FAM53A: variants seen among roughly 807,000 people sequenced by gnomAD.
The protein encoded by FAM53A is protein FAM53A.
FAM53A carries 28 observed loss-of-function variants against 26.6 expected under a neutral mutation model. The observed-to-expected ratio is 1.05, with a 90% CI of 0.78 to 1.45. The LOEUF (loss-of-function observed/expected upper bound fraction) is 1.45. Among genes scored for constraint, FAM53A ranks in the 40% most tolerant of loss-of-function variants. The pLI is 0.00. For synonymous variants in FAM53A, 290 were observed against 253.1 expected (o/e 1.15, Z -1.38); for missense variants, 650 against 575.8 (o/e 1.13, Z -1.32).
At chr4:1,649,872 G>A (rs146329660) in intron 4 of FAM53A, among the ~76,000 whole-genome samples, 10,240 of 149,454 alleles carry the variant, frequency 0.069, 1,148 homozygotes, top group African/African-American at 0.22. Context: ...TGGCACAGGC[G>A]TGGTGTTTGT....
intron 1 of FAM53A, among the ~76,000 whole-genome samples, chr4:1,683,202 G>A (rs1715578597): frequency 6.6e-6 from 1 of 152,188 alleles, no homozygotes; most frequent in Non-Finnish European, 1.5e-5. Context: ...AACAATGTCA[G>A]TTTCCATTTT....
chr4:1,655,706 C>A lies in FAM53A; in HGVS notation c.154G>T (p.Val52Phe), dbSNP rs1261211653. Reference sequence around the variant, plus strand: ...CTGACGGGCGGTCCTCCACTGAAGACCTTCCAGGGACTCTGGTCTACAAAA... The same window carrying A: ...CTGACGGGCGGTCCTCCACTGAAGAACTTCCAGGGACTCTGGTCTACAAAA... ...LELNDQSPWK[V>F]FSGGPPVRSQ... The change falls in exon 4 of 5, where the codon GTC becomes TTC. Residue 52 changes from valine (V) to phenylalanine (F), a missense_variant. Physicochemically the swap from Val to Phe is conservative, Grantham distance 50. Coordinates refer to ENST00000308132, the MANE Select transcript of FAM53A (RefSeq NM_001174070.3). The A allele has an allele frequency of 1.3e-6, 2 of 1,582,112 alleles. No homozygotes were observed. The highest frequency in any genetic ancestry group is 1.7e-6 in the Non-Finnish European group (2 of 1,170,096).
At chr4:1,610,858 A>G in the FAM53A span, among the ~76,000 whole-genome samples, 1 of 151,872 alleles carries the variant, frequency 6.6e-6, no homozygotes, top group African/African-American at 2.4e-5. Flanking sequence ...CCTGCCCCCA[A>G]CCCGGGCCCC....
At chr4:1,606,217 T>G in the FAM53A span, among the ~76,000 whole-genome samples, 5 of 151,876 alleles carry the variant, frequency 3.3e-5, no homozygotes, top group South Asian at 6.4e-4. Context: ...TTTTTTTTTT[T>G]TGTATTTTTA....
At chr4:1,663,894 T>C (rs996040907) in intron 2 of FAM53A, among the ~76,000 whole-genome samples, 1 of 149,770 alleles carries the variant, frequency 6.7e-6, no homozygotes, top group Admixed American at 6.6e-5. Flanking sequence ...AAAATCTATG[T>C]GCAACTAGAG....
At chr4:1,586,122 A>C in the FAM53A span, among the ~76,000 whole-genome samples, 2 of 152,146 alleles carry the variant, frequency 1.3e-5, no homozygotes, top group Non-Finnish European at 2.9e-5. Context: ...ACTTAGATTG[A>C]TTCCATGTCT....
chr4:1,622,290 G>A (rs1715074472), intron 1 of FAM53A, among the ~76,000 whole-genome samples: 2 of 152,234 alleles, frequency 1.3e-5, no homozygotes, highest in South Asian at 4.1e-4. Flanking sequence ...CCCAGTGTGG[G>A]GGTGACGACA....
At chr4:1,607,121 C>T in the FAM53A span, among the ~76,000 whole-genome samples, 24 of 152,172 alleles carry the variant, frequency 1.6e-4, no homozygotes, top group Non-Finnish European at 2.8e-4. Context: ...CGTGTTCAGG[C>T]GATTCTCCTG....
chr4:1,638,153 C>A (rs529211552), downstream of FAM53A, among the ~76,000 whole-genome samples: 3 of 152,074 alleles, frequency 2.0e-5, no homozygotes, highest in East Asian at 5.8e-4. Flanking sequence ...AGGCAGGTGA[C>A]CCTGCAGGGC....
chr4:1,644,482 G>A, intron 4 of FAM53A: 1 of 1,088,490 alleles, frequency 9.2e-7, no homozygotes, highest in Non-Finnish European at 1.3e-6. Context: ...AACTGAAGGG[G>A]CCACCCACGC....
chr4:1,638,537 G>A (rs890492271), downstream of FAM53A, among the ~76,000 whole-genome samples: 4 of 152,092 alleles, frequency 2.6e-5, no homozygotes, highest in African/African-American at 7.2e-5. Context: ...GTTCTGCCCA[G>A]GAGAGCCAGA....
intron 4 of FAM53A, among the ~76,000 whole-genome samples, chr4:1,646,260 C>T (rs949098312): frequency 2.6e-5 from 4 of 152,090 alleles, no homozygotes; most frequent in South Asian, 2.1e-4. Flanking sequence ...GCCACCATGC[C>T]GGCTAATTTT....
chr4:1,661,024 G>T (rs990877098), intron 2 of FAM53A, among the ~76,000 whole-genome samples: 2 of 152,034 alleles, frequency 1.3e-5, no homozygotes, highest in African/African-American at 4.8e-5. Context: ...GGCACAGTGA[G>T]CTTCCCTGCG....
At chr4:1,656,527 G>A (rs1577127476) in intron 3 of FAM53A, among the ~76,000 whole-genome samples, 2 of 152,222 alleles carry the variant, frequency 1.3e-5, no homozygotes, top group South Asian at 2.1e-4. Flanking sequence ...ACGTGGAGGT[G>A]TAGGCAGGGA....
intron 1 of FAM53A, among the ~76,000 whole-genome samples, chr4:1,632,982 G>A (rs1053301627): frequency 1.2e-4 from 19 of 152,190 alleles, no homozygotes; most frequent in African/African-American, 1.7e-4. Flanking sequence ...CAGGGCGCAC[G>A]CAGGCATAGG....
At chr4:1,650,373 CAGGTGTGGTGTTTGTGAGGTGGCAT>C (rs1484880219) in intron 4 of FAM53A, among the ~76,000 whole-genome samples, 18 of 96,658 alleles carry the variant, frequency 1.9e-4, no homozygotes, top group African/African-American at 9.1e-4. Context: ...TGAGGTGGCA[CAGGTGTGGTGTTTGTGAGGTGGCAT>C]AGGCGTGGTG....
intron 2 of FAM53A, among the ~76,000 whole-genome samples, chr4:1,668,148 C>CT (rs71167745): frequency 0.96 from 141,937 of 148,144 alleles, 68,207 homozygotes; most frequent in East Asian, 1. Context: ...AGTCAAGGCT[C>CT]TTTTTTTTTT....
rs114307624 is a variant in FAM53A, at chr4:1,672,341, G to A, written c.-164-3436C>T. On this transcript the variant is annotated intron_variant, in intron 1 of 4. Coordinates refer to ENST00000308132, the MANE Select transcript of FAM53A (RefSeq NM_001174070.3). ...GGACCCACAAACCCAGGAACCCATA[G>A]ACCCATGGACCCAGGAACCCAGGAA... is the stretch of plus-strand genomic sequence containing the variant. Among the ~76,000 whole-genome samples, 7 of 83,476 alleles carry A rather than the reference G, an allele frequency of 8.4e-5. 1 individual carries two copies. Among genetic ancestry groups the A allele is most frequent in the Non-Finnish European group, 1.4e-4 (4 of 29,458 alleles). The allele number at this position is 83,476 out of a possible 152,430, so 54.8% of individuals were successfully genotyped here. A position where few individuals can be genotyped will look rare whatever the true frequency, so the allele number is the denominator to read the frequency against.
At chr4:1,633,557 C>T (rs930022575) in intron 1 of FAM53A, among the ~76,000 whole-genome samples, 1 of 151,904 alleles carries the variant, frequency 6.6e-6, no homozygotes, top group African/African-American at 2.4e-5. Flanking sequence ...TCACGGGAGG[C>T]AGGAGAGGCG....
Sources: gnomAD v4.1 joint callset for allele counts (sites outside exome capture counted in the v4.1 genomes callset) on GRCh38, gnomAD v4.1.1 for gene constraint, MANE v1.5 for transcripts, NCBI Gene and HGNC (gene_info 2026-07-23, HGNC 2026-07-21) for gene names.